Variants in SLCO3A1 observed in about 807,000 individuals in gnomAD.
SLCO3A1 encodes the protein solute carrier organic anion transporter family member 3A1, also known as PGE1 transporter.
Under a neutral mutation model 63.1 loss-of-function variants are expected in SLCO3A1, and 27 were observed. The observed-to-expected ratio is 0.43, with a 90% CI of 0.32 to 0.59. The LOEUF (loss-of-function observed/expected upper bound fraction) is 0.59, where lower values mean the gene tolerates loss of function less well. SLCO3A1 is among the 20% of genes least tolerant of loss of function. SLCO3A1 has a pLI of 0.09. For missense variants in SLCO3A1, 773 were observed against 945.8 expected (o/e 0.82, Z 2.40); for synonymous variants, 473 against 409.9 (o/e 1.15, Z -1.86).
intron 2 of SLCO3A1, among the ~76,000 whole-genome samples, chr15:91,955,892 A>C (rs1297885219): frequency 6.6e-6 from 1 of 152,226 alleles, no homozygotes; most frequent in South Asian, 2.1e-4. Context: ...GTGTGAGTTC[A>C]TAATGCCTAG....
At chr15:91,930,504 A>G (rs1899188352) in intron 2 of SLCO3A1, among the ~76,000 whole-genome samples, 2 of 152,220 alleles carry the variant, frequency 1.3e-5, no homozygotes, top group Admixed American at 6.5e-5. Flanking sequence ...TATTAATATA[A>G]TGCATATGGT....
chr15:92,096,981 T>C (rs1330800496), intron 3 of SLCO3A1, among the ~76,000 whole-genome samples: 5 of 152,110 alleles, frequency 3.3e-5, no homozygotes, highest in Non-Finnish European at 4.4e-5. Context: ...CTTGCTCGTA[T>C]AGACAGGCCA....
chr15:92,136,364 T>C (rs2151576247), intron 7 of SLCO3A1, among the ~76,000 whole-genome samples: 1 of 152,328 alleles, frequency 6.6e-6, no homozygotes, highest in East Asian at 1.9e-4. Context: ...AAAACAACTT[T>C]ATTTGCCAGT....
Position 92,164,823 on chromosome 15 carries a change from C to T in SLCO3A1, c.*1688C>T, listed in dbSNP as rs1596162894. On this transcript the variant is annotated 3_prime_UTR_variant, in exon 10 of 10. Transcript: ENST00000318445. The stretch of plus-strand genomic sequence containing the variant: ...CGCAACCAGCACACTAGGCCTTCTA[C>T]GGCCATTTCTGTAAGGGGACAGAGC... 1.3e-5 allele frequency: 13 copies of T among 985,430 alleles called. No individual in the cohort carries two copies. Among genetic ancestry groups the T allele is most frequent in the South Asian group, 4.7e-5 (1 of 21,284 alleles). 61.0% of individuals were successfully genotyped at this position (985,430 alleles called of 1,614,324 possible).
intron 9 of SLCO3A1, among the ~76,000 whole-genome samples, chr15:92,154,730 AGTGG>A (rs2048350341): frequency 1.3e-5 from 2 of 152,122 alleles, no homozygotes; most frequent in African/African-American, 4.8e-5. Context: ...TGTACTGGTC[AGTGG>A]GGCTCTGGGA....
rs77017637 is a variant in SLCO3A1 at position 91,967,281 on chromosome 15, A to G, written c.646+50823A>G. On this transcript the variant is annotated intron_variant, in intron 2 of 9. Transcript: ENST00000318445. The surrounding 1 kb of genome is among the most constrained non-coding windows in gnomAD (Gnocchi z 4.4). ...ACAATAAGAGAGGTTTTTAGTTATC[A>G]GAGCATGTTGCAGAGGTATAAGAGG... Among the ~76,000 whole-genome samples the G allele has an allele frequency of 6.7e-3, 1,026 of 152,342 alleles. 14 individuals carry two copies. The highest frequency in any genetic ancestry group is 6.3e-3 in the Non-Finnish European group (426 of 68,034).
chr15:92,037,039 C>T (rs1052190007), intron 2 of SLCO3A1, among the ~76,000 whole-genome samples: 5 of 152,036 alleles, frequency 3.3e-5, no homozygotes, highest in South Asian at 2.1e-4. Context: ...TATACAGAAG[C>T]GAATAAAACC....
chr15:92,161,496 G>A (rs1344057844), intron 9 of SLCO3A1: 1 of 152,208 alleles, frequency 6.6e-6, no homozygotes, highest in Non-Finnish European at 1.5e-5. Flanking sequence ...TTTGGTGACT[G>A]GTTGTAGGTA....
In SLCO3A1 at chr15:91,990,650, G is replaced by GAA. The variant is rs74612884; in HGVS notation, c.646+74204_646+74205dup. Among the ~76,000 whole-genome samples, 546 of 144,456 alleles carry GAA rather than the reference G, an allele frequency of 3.8e-3. 3 individuals are homozygous for GAA. Among genetic ancestry groups the GAA allele is most frequent in the South Asian group, 0.014 (65 of 4,552 alleles). The allele number at this position is 144,456 out of a possible 152,430, so 94.8% of individuals were successfully genotyped here. A position where few individuals can be genotyped will look rare whatever the true frequency, so the allele number is the denominator to read the frequency against. On this transcript the variant is annotated intron_variant, in intron 2 of 9. Transcript: ENST00000318445. ...TTTCCACTTAGATGTTCAGCCTCAA[G>GAA]AAAAAAAAAAAAATCCCTATGTTGA...
chr15:92,126,562 T>C (rs2047926648), intron 6 of SLCO3A1, among the ~76,000 whole-genome samples: 2 of 152,198 alleles, frequency 1.3e-5, no homozygotes, highest in South Asian at 4.1e-4. Context: ...AAAATAAAAA[T>C]TTTAATTCAA....
At chr15:92,089,359 G>A (rs748409201) in intron 2 of SLCO3A1, among the ~76,000 whole-genome samples, 3 of 152,186 alleles carry the variant, frequency 2.0e-5, no homozygotes, top group East Asian at 1.9e-4. Flanking sequence ...CTGACACTGC[G>A]TGGCACATGG....
chr15:91,897,726 G>A lies in SLCO3A1; in HGVS notation c.181-18267G>A, dbSNP rs75887652. Among the ~76,000 whole-genome samples, 3,830 of 152,244 alleles carry A rather than the reference G, an allele frequency of 0.025. 96 individuals carry two copies. Among genetic ancestry groups the A allele is most frequent in the African/African-American group, 0.064 (2,641 of 41,524 alleles). On this transcript the variant is annotated intron_variant, in intron 1 of 9. Transcript: ENST00000318445. This position sits in a 1 kb window ranked among gnomAD's most constrained non-coding sequence, Gnocchi z 4.7. Reference sequence around the variant, plus strand: ...GGATTGGTGTGCTCCCATGTGCTAGGCTGAGTCTACCCTGCAGCGTGGGCT... The same window carrying A: ...GGATTGGTGTGCTCCCATGTGCTAGACTGAGTCTACCCTGCAGCGTGGGCT...
At chr15:92,057,836 A>T (rs1279508498) in intron 2 of SLCO3A1, among the ~76,000 whole-genome samples, 2 of 152,196 alleles carry the variant, frequency 1.3e-5, no homozygotes, top group Non-Finnish European at 2.9e-5. Flanking sequence ...CGGCGACACC[A>T]GGGGACTAAC....
Position 91,882,754 on chromosome 15 carries a change from T to G in SLCO3A1, c.180+28666T>G, listed in dbSNP as rs186703504. On this transcript the variant is annotated intron_variant, in intron 1 of 9. Coordinates refer to ENST00000318445, the MANE Select transcript of SLCO3A1 (RefSeq NM_013272.4). This position sits in a 1 kb window ranked among gnomAD's most constrained non-coding sequence, Gnocchi z 4.4. ...CCAGGCTGGTCTCGAACTCCTGACC[T>G]CAGGTCATCTGCCCATCTCGGCCTT... is the stretch of plus-strand genomic sequence containing the variant. Among the ~76,000 whole-genome samples the G allele has an allele frequency of 2.6e-3, 398 of 152,316 alleles. 1 individual carries two copies. Among genetic ancestry groups the G allele is most frequent in the African/African-American group, 9.2e-3 (383 of 41,570 alleles).
At chr15:91,938,292 CT>C (rs2151396395) in intron 2 of SLCO3A1, among the ~76,000 whole-genome samples, 1 of 152,032 alleles carries the variant, frequency 6.6e-6, no homozygotes, top group East Asian at 1.9e-4. Flanking sequence ...AGAGAAGGTA[CT>C]TAGTAAGTGT....
chr15:91,923,987 C>T (rs1459740967), intron 2 of SLCO3A1, among the ~76,000 whole-genome samples: 2 of 152,222 alleles, frequency 1.3e-5, no homozygotes, highest in East Asian at 1.9e-4. Context: ...TTTAAAAGCT[C>T]AGGTTAGTTC....
At chr15:92,121,160 T>C (rs1317483130) in intron 5 of SLCO3A1, among the ~76,000 whole-genome samples, 1 of 152,246 alleles carries the variant, frequency 6.6e-6, no homozygotes, top group East Asian at 1.9e-4. Context: ...CTCCCAATTG[T>C]TCAGAGTTGA....
At chr15:91,973,629 G>A (rs1040712109) in intron 2 of SLCO3A1, among the ~76,000 whole-genome samples, 6 of 152,170 alleles carry the variant, frequency 3.9e-5, no homozygotes, top group East Asian at 1.9e-4. Context: ...ACCTCATGAC[G>A]TTTGGCAGTG....
intron 1 of SLCO3A1, among the ~76,000 whole-genome samples, chr15:91,861,414 G>C (rs1269602142): frequency 6.6e-6 from 1 of 152,160 alleles, no homozygotes; most frequent in Admixed American, 6.5e-5. Flanking sequence ...TCTGAAAAGG[G>C]AAGCCCTTAC....
Sources: gnomAD v4.1 joint callset for allele counts (sites outside exome capture counted in the v4.1 genomes callset) on GRCh38, gnomAD v4.1.1 for gene constraint, Gnocchi (gnomAD v3.1) non-coding constraint, MANE v1.5 for transcripts, NCBI Gene and HGNC (gene_info 2026-07-23, HGNC 2026-07-21) for gene names.